The following SLMAP variants were observed in gnomAD, a reference collection of about 807,000 sequenced individuals.
SLMAP encodes the protein sarcolemma associated protein.
In SLMAP, 44 loss-of-function variants were observed where a neutral mutation model predicts 128.8. The observed-to-expected ratio is 0.34, with a 90% CI of 0.27 to 0.44. The LOEUF (loss-of-function observed/expected upper bound fraction) is 0.44. Ranked by LOEUF, SLMAP falls within the 20% of genes least tolerant of loss-of-function variation. The pLI is 1.00. For missense variants in SLMAP, 787 were observed against 985.3 expected (o/e 0.80, Z 2.69); for synonymous variants, 327 against 348.8 (o/e 0.94, Z 0.70).
At chr3:57,790,229 G>A (rs895928620) in intron 2 of SLMAP, among the ~76,000 whole-genome samples, 5 of 152,212 alleles carry the variant, frequency 3.3e-5, no homozygotes, top group African/African-American at 9.7e-5. Context: ...GTGTGTATAT[G>A]TGTAAATATG....
chr3:57,877,713 G>A (rs544542634), intron 14 of SLMAP, among the ~76,000 whole-genome samples: 10 of 151,936 alleles, frequency 6.6e-5, no homozygotes, highest in Non-Finnish European at 1.3e-4. Flanking sequence ...GTACATGCCA[G>A]TGGTGTTTTG....
At chr3:57,840,661 C>G (rs1367750021) in intron 3 of SLMAP, among the ~76,000 whole-genome samples, 1 of 152,138 alleles carries the variant, frequency 6.6e-6, no homozygotes, top group Non-Finnish European at 1.5e-5. Flanking sequence ...AGGGACTGTA[C>G]TGATGTCATT....
intron 2 of SLMAP, among the ~76,000 whole-genome samples, chr3:57,830,247 A>G (rs2093249028): frequency 6.6e-6 from 1 of 152,172 alleles, no homozygotes; most frequent in South Asian, 2.1e-4. Context: ...ACCTCAAGTG[A>G]TCTGCCCGCC....
At chr3:57,796,989 G>A (rs1246275256) in intron 2 of SLMAP, among the ~76,000 whole-genome samples, 1 of 151,760 alleles carries the variant, frequency 6.6e-6, no homozygotes, top group African/African-American at 2.4e-5. Context: ...GACCAGCTTG[G>A]GCAATGTAGT....
chr3:57,831,317 A>T, intron 2 of SLMAP, 66 bp from the exon 3 acceptor site: 3 of 1,191,114 alleles, frequency 2.5e-6, no homozygotes, highest in Non-Finnish European at 2.2e-6. Context: ...GCATTTTTTT[A>T]AAAAGTACAT....
intron 3 of SLMAP, among the ~76,000 whole-genome samples, chr3:57,837,219 T>G (rs2093680101): frequency 6.6e-6 from 1 of 152,146 alleles, no homozygotes; most frequent in African/African-American, 2.4e-5. Context: ...ACTCATCCCT[T>G]TTATGTGTTT....
At chr3:57,794,167 T>A (rs890854275) in intron 2 of SLMAP, among the ~76,000 whole-genome samples, 3 of 152,214 alleles carry the variant, frequency 2.0e-5, no homozygotes, top group African/African-American at 7.2e-5. Flanking sequence ...ATTTTCTCCC[T>A]ATTCTGAAAC....
At chr3:57,788,283 T>C (rs1398050436) in intron 2 of SLMAP, among the ~76,000 whole-genome samples, 1 of 152,018 alleles carries the variant, frequency 6.6e-6, no homozygotes, top group Non-Finnish European at 1.5e-5. Flanking sequence ...TGGTGAGGAG[T>C]TTGATAAGAT....
chr3:57,771,010 G>C (rs2080731642), intron 2 of SLMAP, among the ~76,000 whole-genome samples: 1 of 151,992 alleles, frequency 6.6e-6, no homozygotes. Context: ...TTTGAGTACT[G>C]ACATAGTACT....
At position 57,860,825 on chromosome 3, in the gene SLMAP, C is replaced by A; in HGVS notation, c.814C>A (p.Leu272Ile). ...LQEKIEVVRKLSEVERSLSNT... is the reference protein window; with the variant it reads ...LQEKIEVVRKISEVERSLSNT... ...GGAGAAAATTGAAGTGGTTAGAAAA[C>A]TTTCAGAAGTTGAGGTATTTCAATC... Residue 272 changes from leucine (L) to isoleucine (I), a missense_variant, in exon 9 of 25, where the codon CTT (leucine) becomes ATT (isoleucine). Coordinates refer to ENST00000671191, the MANE Select transcript of SLMAP (RefSeq NM_001377540.1). The A allele has an allele frequency of 1.3e-6, 2 of 1,585,320 alleles. No individual in the cohort carries two copies. The highest frequency in any genetic ancestry group is 1.2e-5 in the South Asian group (1 of 84,886).
At chr3:57,763,522 G>T (rs1034758570) in intron 2 of SLMAP, among the ~76,000 whole-genome samples, 2 of 152,002 alleles carry the variant, frequency 1.3e-5, no homozygotes, top group South Asian at 2.1e-4. Flanking sequence ...CAATCCACCC[G>T]CCCCGGCCTC....
intron 2 of SLMAP, among the ~76,000 whole-genome samples, chr3:57,758,078 G>A (rs182204798): frequency 6.6e-6 from 1 of 152,340 alleles, no homozygotes; most frequent in African/African-American, 2.4e-5. Flanking sequence ...GAGGGCTATG[G>A]CATCTTGATA....
chr3:57,850,896 A>G (rs956653369), intron 6 of SLMAP, among the ~76,000 whole-genome samples: 1 of 152,136 alleles, frequency 6.6e-6, no homozygotes, highest in South Asian at 2.1e-4. Flanking sequence ...CAGCCTCCCA[A>G]AGTGTTGGGA....
At chr3:57,786,794 T>G (rs1383208431) in intron 2 of SLMAP, among the ~76,000 whole-genome samples, 1 of 147,280 alleles carries the variant, frequency 6.8e-6, no homozygotes, top group Admixed American at 6.9e-5. Context: ...AGTGCAGTGG[T>G]GTGATCTCGG....
At chr3:57,817,465 T>C (rs2091992073) in intron 2 of SLMAP, among the ~76,000 whole-genome samples, 1 of 152,212 alleles carries the variant, frequency 6.6e-6, no homozygotes, top group Admixed American at 6.5e-5. Flanking sequence ...GTTGTAGATG[T>C]TACAGTCATG....
At position 57,875,379 on chromosome 3, in the gene SLMAP, G is replaced by A. The variant is rs141697171; in HGVS notation, c.1300+3681G>A. On this transcript the variant is annotated intron_variant, in intron 14 of 24. Coordinates refer to ENST00000671191, the MANE Select transcript of SLMAP (RefSeq NM_001377540.1). ...CTCTACAAAAAATTAGCTGGCCATG[G>A]TGATAACATGCCTGTGTCCCAGCTA... Among the ~76,000 whole-genome samples the A allele has an allele frequency of 7.0e-4, 107 of 152,082 alleles. 2 individuals are homozygous for A. Among genetic ancestry groups the A allele is most frequent in the African/African-American group, 2.5e-3 (103 of 41,474 alleles).
At chr3:57,853,176 T>C (rs1173787751) in intron 6 of SLMAP, among the ~76,000 whole-genome samples, 1 of 152,214 alleles carries the variant, frequency 6.6e-6, no homozygotes, top group East Asian at 1.9e-4. Context: ...TCTGAGTGAT[T>C]TCCTGAATGT....
intron 2 of SLMAP, among the ~76,000 whole-genome samples, chr3:57,778,557 C>G (rs1260882963): frequency 1.4e-5 from 2 of 138,362 alleles, no homozygotes; most frequent in African/African-American, 5.3e-5. Context: ...TCTAGTTTCT[C>G]TTTTCTTTCT....
intron 16 of SLMAP, 94 bp downstream of exon 16, chr3:57,896,685 G>GC: frequency 7.9e-7 from 1 of 1,261,454 alleles, no homozygotes; most frequent in East Asian, 2.5e-5. Flanking sequence ...GTATGTGTTT[G>GC]GGGAAAAAAA....
Sources: gnomAD v4.1 joint callset for allele counts (sites outside exome capture counted in the v4.1 genomes callset) on GRCh38, gnomAD v4.1.1 for gene constraint, MANE v1.5 for transcripts, NCBI Gene and HGNC (gene_info 2026-07-23, HGNC 2026-07-21) for gene names.